AUTS2: variants seen among roughly 807,000 people sequenced by gnomAD.
AUTS2 encodes activator of transcription and developmental regulator AUTS2.
A neutral mutation model predicts 112.4 loss-of-function variants in AUTS2; 17 were observed. The ratio of observed to expected loss-of-function variants is 0.15; its 90% CI spans 0.10 to 0.23. The LOEUF is 0.23. AUTS2 is among the 10% of genes least tolerant of loss of function. The probability of loss-of-function intolerance (pLI) is 1.00; values close to 1 mark genes in which losing one functional copy is unlikely to be tolerated. For missense variants in AUTS2, 1,510 were observed against 1,701.6 expected, an observed-to-expected ratio of 0.89 and a Z score of 1.98; for synonymous variants, 751 against 702.7, an observed-to-expected ratio of 1.07 and a Z score of -1.09.
At chr7:69,859,358 A>C (rs1792875196) in intron 1 of AUTS2, among the ~76,000 whole-genome samples, 1 of 152,228 alleles carries the variant, frequency 6.6e-6, no homozygotes, top group African/African-American at 2.4e-5. Context: ...ACAACAAAAA[A>C]ATTGTTAACT....
intron 4 of AUTS2, among the ~76,000 whole-genome samples, chr7:70,189,712 TCTTGAGCATC>T (rs1809785644): frequency 6.6e-6 from 1 of 152,238 alleles, no homozygotes; most frequent in Non-Finnish European, 1.5e-5. Context: ...AGTTTCTCTC[TCTTGAGCATC>T]CTCAAAGCTC....
At chr7:70,645,080 T>C (rs899387861) in intron 5 of AUTS2, among the ~76,000 whole-genome samples, 5 of 152,196 alleles carry the variant, frequency 3.3e-5, no homozygotes, top group Admixed American at 6.5e-5. Flanking sequence ...GATAATTGAG[T>C]TGGAAATACT....
At chr7:70,584,805 G>T (rs1327549136) in intron 5 of AUTS2, among the ~76,000 whole-genome samples, 1 of 152,256 alleles carries the variant, frequency 6.6e-6, no homozygotes, top group African/African-American at 2.4e-5. Flanking sequence ...CGAAGGGCGT[G>T]TGCTGGGGCA....
At chr7:69,797,631 C>T (rs1380795141) in intron 1 of AUTS2, among the ~76,000 whole-genome samples, 1 of 152,202 alleles carries the variant, frequency 6.6e-6, no homozygotes, top group African/African-American at 2.4e-5. Flanking sequence ...CAGAAGACCT[C>T]TGCTCTCATG....
At chr7:70,556,991 A>G (rs966415382) in intron 5 of AUTS2, among the ~76,000 whole-genome samples, 15 of 152,152 alleles carry the variant, frequency 9.9e-5, no homozygotes, top group Admixed American at 8.5e-4. Flanking sequence ...CTCCCAGAGA[A>G]CTTTGTACCT....
chr7:69,701,059 G>A (rs1797780653), intron 1 of AUTS2, among the ~76,000 whole-genome samples: 1 of 152,132 alleles, frequency 6.6e-6, no homozygotes. Context: ...CTTTGCCACT[G>A]CTAGATGTAT....
rs990005658 is a variant in AUTS2 at position 70,593,241 on chromosome 7, T to G, written c.691-105328T>G. On this transcript the variant is annotated intron_variant, in intron 5 of 18. Transcript: ENST00000342771. ...ATAGTACCTACCTCATGGGGCTGTT[T>G]TGAGGAATTAACACAAATAAAGCAC... Among the ~76,000 whole-genome samples, 6 of 152,216 alleles carry G rather than the reference T, an allele frequency of 3.9e-5. No individual in the cohort carries two copies. In the East Asian group the frequency reaches 1.2e-3, roughly 29 times the overall value.
At chr7:69,792,344 A>G (rs767237394) in intron 1 of AUTS2, among the ~76,000 whole-genome samples, 1 of 150,802 alleles carries the variant, frequency 6.6e-6, no homozygotes, top group Non-Finnish European at 1.5e-5. Context: ...GGTTCATGCC[A>G]TTCTCCTGCC....
intron 1 of AUTS2, among the ~76,000 whole-genome samples, chr7:69,814,631 C>A (rs1001823238): frequency 1.3e-5 from 2 of 152,238 alleles, no homozygotes; most frequent in African/African-American, 4.8e-5. Context: ...GAGCTGTGTT[C>A]CCTTTGTCAC....
intron 5 of AUTS2, among the ~76,000 whole-genome samples, chr7:70,461,104 A>T (rs1796943459): frequency 6.6e-6 from 1 of 152,166 alleles, no homozygotes; most frequent in Non-Finnish European, 1.5e-5. Flanking sequence ...TCACGGAGGA[A>T]CAGGATGATG....
At chr7:70,784,742 TAAAAAAAAAAAAAAAAA>T in intron 15 of AUTS2, 183 bp from the exon 16 acceptor site, 1 of 278,944 alleles carries the variant, frequency 3.6e-6, no homozygotes, top group Non-Finnish European at 6.1e-6. Context: ...TTCTGCTTCC[TAAAAAAAAAAAAAAAAA>T]AAAAAAAAAA....
chr7:70,583,067 T>C (rs1334391765), intron 5 of AUTS2, among the ~76,000 whole-genome samples: 4 of 152,196 alleles, frequency 2.6e-5, no homozygotes, highest in African/African-American at 4.8e-5. Flanking sequence ...AGAAAGTGTG[T>C]AACTTATAAA....
chr7:70,165,488 A>C (rs989954240), intron 4 of AUTS2, among the ~76,000 whole-genome samples: 3 of 152,250 alleles, frequency 2.0e-5, no homozygotes, highest in Non-Finnish European at 4.4e-5. Context: ...TAGTGAAAAG[A>C]GTTGGAGTGA....
chr7:70,487,677 A>G (rs60494902), intron 5 of AUTS2, among the ~76,000 whole-genome samples: 3,408 of 152,292 alleles, frequency 0.022, 134 homozygotes, highest in African/African-American at 0.075. Context: ...GTGTGTTTGC[A>G]CAGTGGGCTC....
chr7:69,628,397 T>C (rs545720073), intron 1 of AUTS2, among the ~76,000 whole-genome samples: 1 of 152,372 alleles, frequency 6.6e-6, no homozygotes, highest in South Asian at 2.1e-4. Context: ...ATAGTGGAAC[T>C]TGTTTATTCC....
intron 2 of AUTS2, among the ~76,000 whole-genome samples, chr7:70,110,691 G>A (rs535045735): frequency 1.3e-5 from 2 of 150,696 alleles, no homozygotes; most frequent in East Asian, 4.0e-4. Flanking sequence ...GTCTAATAAT[G>A]CCTAAAGTGT....
chr7:70,310,922 T>TA (rs1789720114), intron 4 of AUTS2, among the ~76,000 whole-genome samples: 1 of 152,304 alleles, frequency 6.6e-6, no homozygotes, highest in East Asian at 1.9e-4. Flanking sequence ...TGGATTTTTT[T>TA]AAAAAATGGC....
At chr7:69,742,332 A>G (rs10241485) in intron 1 of AUTS2, among the ~76,000 whole-genome samples, 108,697 of 151,858 alleles carry the variant, frequency 0.72, 38,968 homozygotes, top group East Asian at 0.78. Context: ...AAAGGTAGTT[A>G]GCTGGATACA....
At chr7:70,100,454 G>A (rs556332913) in intron 2 of AUTS2, among the ~76,000 whole-genome samples, 3 of 150,920 alleles carry the variant, frequency 2.0e-5, no homozygotes, top group South Asian at 4.2e-4. Context: ...AATACTTTAA[G>A]TTCTAGAGTA....
Sources: allele counts gnomAD v4.1 joint callset (sites outside exome capture counted in the v4.1 genomes callset), GRCh38; gene constraint gnomAD v4.1.1; transcripts MANE v1.5; gene names NCBI Gene and HGNC (gene_info 2026-07-23, HGNC 2026-07-21).